Variants in XRN1 observed in about 807,000 individuals in gnomAD.
XRN1 encodes the protein strand-exchange protein 1 homolog.
Under a neutral mutation model 222.3 loss-of-function variants are expected in XRN1, and 67 were observed. The observed-to-expected ratio is 0.30, with a 90% CI of 0.25 to 0.37. XRN1 has a LOEUF of 0.37. Among genes scored for constraint, XRN1 ranks in the 10% least tolerant of loss-of-function variants. The pLI is 1.00. For missense variants in XRN1, 1,707 were observed against 2,000.2 expected, an observed-to-expected ratio of 0.85 and a Z score of 2.80; for synonymous variants, 643 against 652.4, an observed-to-expected ratio of 0.99 and a Z score of 0.22.
chr3:142,421,445 G>A (rs201494259), intron 9 of XRN1, 31 bp downstream of exon 9: 161 of 1,570,480 alleles, frequency 1.0e-4, no homozygotes, highest in Middle Eastern at 3.4e-4. Context: ...GCTACTCTGC[G>A]ACAGGAAACC....
rs1454960073 is a variant in XRN1, at chr3:142,447,996, C to A, written c.-52G>T. 7 of 1,589,020 alleles carry A rather than the reference C, an allele frequency of 4.4e-6. No individual in the cohort carries two copies. In the South Asian group the frequency reaches 6.7e-5, roughly 15 times the overall value. ...AGGGCCAAACCGAAACCAAACGCCC[C>A]GCCGGGGCTCCGCCGCAGCCTCCGG... On this transcript the variant is annotated 5_prime_UTR_variant, in exon 1 of 41. Transcript: ENST00000392981. The surrounding 1 kb of genome is among the most constrained non-coding windows in gnomAD (Gnocchi z 4.2).
At chr3:142,360,189 C>T (rs2066576376) in intron 29 of XRN1, among the ~76,000 whole-genome samples, 1 of 152,070 alleles carries the variant, frequency 6.6e-6, no homozygotes, top group Non-Finnish European at 1.5e-5. Context: ...AGTTATGATT[C>T]CTTATGTTTC....
intron 6 of XRN1, among the ~76,000 whole-genome samples, chr3:142,423,258 G>A (rs2069112853): frequency 6.6e-6 from 1 of 152,126 alleles, no homozygotes; most frequent in African/African-American, 2.4e-5. Context: ...ATGCAAGGAA[G>A]ATTGGATATC....
chr3:142,322,371 G>A (rs550637793), intron 37 of XRN1, among the ~76,000 whole-genome samples: 29 of 152,210 alleles, frequency 1.9e-4, no homozygotes, highest in Non-Finnish European at 1.2e-4. Context: ...GTACTACCAC[G>A]CTTAGCTGTT....
In XRN1 at chr3:142,425,315, C is replaced by T; in HGVS notation, c.534G>A (p.Glu178=). ...FSGHETPGEG[E]HKIMEFIRSE... ...ATCTGATAAATTCCATGATTTTATG[C>T]TCTCCTTCTCCAGGAGTCTAAATAA... Residue 178 remains glutamate, a synonymous_variant, in exon 5 of 41, where the codon GAG becomes GAA. Transcript: ENST00000392981. 1 of 1,606,034 alleles carries T rather than the reference C, an allele frequency of 6.2e-7. No homozygotes were observed. The highest frequency in any genetic ancestry group is 8.5e-7 in the Non-Finnish European group (1 of 1,176,428).
chr3:142,333,674 T>C (rs1466607555), intron 34 of XRN1, among the ~76,000 whole-genome samples: 1 of 152,116 alleles, frequency 6.6e-6, no homozygotes, highest in African/African-American at 2.4e-5. Context: ...GGGCCTTTGG[T>C]AGGTAATTAA....
intron 29 of XRN1, among the ~76,000 whole-genome samples, chr3:142,360,867 C>A (rs1170825536): frequency 1.2e-5 from 1 of 83,232 alleles, no homozygotes; most frequent in Non-Finnish European, 2.4e-5. Context: ...GAGCGAGACT[C>A]CGTCTCAAAA....
At position 142,307,294 on chromosome 3, in the gene XRN1, C is replaced by T. The variant is rs763420073; in HGVS notation, c.*4217G>A. 1 of 151,866 alleles carries T rather than the reference C, an allele frequency of 6.6e-6. No individual in the cohort carries two copies. The highest frequency in any genetic ancestry group is 6.6e-5 in the Admixed American group (1 of 15,236). 9.4% of individuals were successfully genotyped at this position (151,866 alleles called of 1,614,324 possible). On this transcript the variant is annotated 3_prime_UTR_variant, in exon 41 of 41. Coordinates refer to ENST00000392981, the MANE Select transcript of XRN1 (RefSeq NM_001282857.2). ...CAAATTACTAAAACAGCTACAGAAACCTATTTGGCCTGGACAATTTAATAG... is the reference window on the plus strand; with the variant it reads ...CAAATTACTAAAACAGCTACAGAAATCTATTTGGCCTGGACAATTTAATAG...
rs1350283357 is a variant in XRN1 at position 142,400,516 on chromosome 3, C to G, written c.2135G>C (p.Gly712Ala). ...TVENVASSVL[G>A]KSVFVNWPHL... ...AGGCCAATTAACAAAGACAGATTTT[C>G]CAAGCACTGATGAAGCTACATTTTC... Residue 712 changes from glycine to alanine, a missense_variant, in exon 19 of 41, where the codon GGA becomes GCA. Physicochemically the swap from Gly to Ala is moderately conservative, Grantham distance 60 (BLOSUM62 0). Coordinates refer to ENST00000392981, the MANE Select transcript of XRN1 (RefSeq NM_001282857.2). 1.2e-6 allele frequency: 2 copies of G among 1,611,774 alleles called. No homozygotes were observed. Among genetic ancestry groups the G allele is most frequent in the East Asian group, 2.2e-5 (1 of 44,824 alleles).
At chr3:142,414,012 T>C in intron 14 of XRN1, 123 bp downstream of exon 14, 1 of 1,020,566 alleles carries the variant, frequency 9.8e-7, no homozygotes. Flanking sequence ...AAAAATACTA[T>C]GGTTTAAAAC....
rs1356307715 is a variant in XRN1, at chr3:142,425,547, A to G, written c.407-9T>C. The stretch of plus-strand genomic sequence containing the variant: ...GGCCATAAATTCAGTTCCTAAAAAT[A>G]ATGTTTTAAAAAGGTTAATCTAAGA... On this transcript the variant is annotated splice_polypyrimidine_tract_variant and intron_variant, in intron 3 of 40. Transcript: ENST00000392981. The G allele has an allele frequency of 1.9e-6, 3 of 1,597,558 alleles. No homozygotes were observed. In the East Asian group the frequency reaches 6.7e-5, roughly 36 times the overall value.
chr3:142,318,239 T>A (rs1386957295), intron 39 of XRN1, among the ~76,000 whole-genome samples: 1 of 149,530 alleles, frequency 6.7e-6, no homozygotes, highest in South Asian at 2.1e-4. Flanking sequence ...TTACAAAATG[T>A]TAGTCTCAAC....
rs2068699303 is a variant in XRN1 at position 142,414,247 on chromosome 3, T to G, written c.1481A>C (p.Asn494Thr). 1 of 1,613,714 alleles carries G rather than the reference T, an allele frequency of 6.2e-7. No individual in the cohort carries two copies. Among genetic ancestry groups the G allele is most frequent in the Non-Finnish European group, 8.5e-7 (1 of 1,179,786 alleles). Reference protein sequence around the residue: ...HYAPFLSDIHNISTLKIHFEL... With the variant: ...HYAPFLSDIHTISTLKIHFEL... ...AAAATGGATTTTGAGTGTACTGATG[T>G]TGTGTATATCAGACAGGAAAGGTGC... Residue 494 changes from asparagine (N) to threonine (T), a missense_variant, in exon 14 of 41, where the codon AAC (asparagine) becomes ACC (threonine). By Grantham distance (65) the Asn-to-Thr change is moderately conservative (BLOSUM62 0). This residue lies in a region of XRN1 where 1,234 missense variants were observed against 1,518.2 expected (regional missense o/e 0.81). Transcript: ENST00000392981.
At chr3:142,432,558 G>T in intron 2 of XRN1, 103 bp downstream of exon 2, 2 of 1,134,880 alleles carry the variant, frequency 1.8e-6, no homozygotes, top group South Asian at 1.8e-5. Context: ...AGTTTACGCA[G>T]AAAATAAACA....
intron 18 of XRN1, among the ~76,000 whole-genome samples, chr3:142,402,823 G>T (rs549770830): frequency 1.2e-4 from 18 of 151,876 alleles, no homozygotes; most frequent in African/African-American, 4.1e-4. Context: ...AATTAGCCTG[G>T]ATATCTCAGT....
At chr3:142,391,876 T>C (rs1210681580) in intron 20 of XRN1, among the ~76,000 whole-genome samples, 1 of 151,780 alleles carries the variant, frequency 6.6e-6, no homozygotes, top group Non-Finnish European at 1.5e-5. Flanking sequence ...CAATGCATTA[T>C]ATTATTTTGA....
intron 2 of XRN1, 22 bp downstream of exon 2, chr3:142,432,639 A>G: frequency 6.6e-7 from 1 of 1,518,286 alleles, no homozygotes; most frequent in South Asian, 1.3e-5. Context: ...TAATATTCCA[A>G]AATAAAACAT....
intron 21 of XRN1, among the ~76,000 whole-genome samples, chr3:142,383,848 A>T (rs1431951832): frequency 6.6e-6 from 1 of 152,082 alleles, no homozygotes; most frequent in Non-Finnish European, 1.5e-5. Context: ...CTAAGATTAT[A>T]AATGCAAAAA....
At chr3:142,359,963 AAAAAATCATATGATG>A (rs1293232116) in intron 29 of XRN1, 32 bp from the exon 30 acceptor site, 2 of 1,461,764 alleles carry the variant, frequency 1.4e-6, no homozygotes, top group East Asian at 2.3e-5. Context: ...AAGAGACACT[AAAAAATCATATGATG>A]AAAAATCAAC....
Sources: gnomAD v4.1 joint callset for allele counts (sites outside exome capture counted in the v4.1 genomes callset) on GRCh38, gnomAD v4.1.1 for gene constraint, gnomAD v4.1.1 regional missense constraint, Gnocchi (gnomAD v3.1) non-coding constraint, MANE v1.5 for transcripts, NCBI Gene and HGNC (gene_info 2026-07-23, HGNC 2026-07-21) for gene names.